Variants in FABP7 observed in about 807,000 individuals in gnomAD.
The protein encoded by FABP7 is fatty acid binding protein 7, also known as fatty acid-binding protein, brain.
Under a neutral mutation model 14.2 loss-of-function variants are expected in FABP7, and 13 were observed. The ratio of observed to expected loss-of-function variants is 0.91; its 90% CI spans 0.59 to 1.45. The LOEUF is 1.45. Ranked by LOEUF, FABP7 falls within the 40% of genes most tolerant of loss-of-function variation. FABP7 has a pLI of 0.00. For missense variants in FABP7, 149 were observed against 157.6 expected (o/e 0.95, Z 0.29); for synonymous variants, 49 against 51.4 (o/e 0.95, Z 0.20).
chr6:122,774,170 T>C, the FABP7 span, among the ~76,000 whole-genome samples: 1 of 151,980 alleles, frequency 6.6e-6, no homozygotes, highest in Non-Finnish European at 1.5e-5. Context: ...GAGACCAGCC[T>C]AGCCAATATG....
chr6:122,770,454 G>A, the FABP7 span, among the ~76,000 whole-genome samples: 1 of 152,106 alleles, frequency 6.6e-6, no homozygotes, highest in African/African-American at 2.4e-5. Context: ...CAAGGAATTA[G>A]TAGTAGCATC....
chr6:122,770,892 G>A, the FABP7 span, among the ~76,000 whole-genome samples: 654 of 152,284 alleles, frequency 4.3e-3, 7 homozygotes, highest in South Asian at 8.3e-3. Context: ...AAGCAGCAGA[G>A]GGTAAAACAG....
intron 3 of FABP7, chr6:122,782,547 ATAT>A (rs1473684980): frequency 2.0e-6 from 2 of 984,878 alleles, no homozygotes; most frequent in Non-Finnish European, 2.4e-6. Context: ...ACTAGGAGAA[ATAT>A]TATGCCTTCA....
chr6:122,771,795 G>A, the FABP7 span, among the ~76,000 whole-genome samples: 29 of 152,254 alleles, frequency 1.9e-4, no homozygotes, highest in East Asian at 5.0e-3. Context: ...AGAGAAGAAA[G>A]GTTTGGCTGA....
At chr6:122,777,385 C>A (rs551969949), upstream of FABP7, among the ~76,000 whole-genome samples, 116 of 152,106 alleles carry the variant, frequency 7.6e-4, no homozygotes, top group African/African-American at 2.7e-3. Context: ...CCCTTTTGGC[C>A]AAGGGATGCC....
intron 2 of FABP7, 56 bp downstream of exon 2, chr6:122,780,519 G>T (rs1780758636): frequency 1.3e-6 from 2 of 1,516,096 alleles, no homozygotes; most frequent in Non-Finnish European, 1.8e-6. Flanking sequence ...TAAAGATAAA[G>T]ATTTCCAATG....
At chr6:122,763,636 C>A in the FABP7 span, among the ~76,000 whole-genome samples, 1 of 152,094 alleles carries the variant, frequency 6.6e-6, no homozygotes, top group Non-Finnish European at 1.5e-5. Context: ...TTGCAATCTA[C>A]CCATCTGACA....
At chr6:122,783,642 A>G (rs1780848593) in intron 3 of FABP7, 75 bp from the exon 4 acceptor site, 1 of 1,543,192 alleles carries the variant, frequency 6.5e-7, no homozygotes, top group Admixed American at 2.3e-5. Flanking sequence ...CTTAGATCAC[A>G]TATATGATGA....
At chr6:122,768,613 T>C in the FABP7 span, among the ~76,000 whole-genome samples, 47 of 152,248 alleles carry the variant, frequency 3.1e-4, no homozygotes, top group East Asian at 4.4e-3. Flanking sequence ...AGGATTCACA[T>C]GTGGGTGTTT....
At chr6:122,772,034 C>T in the FABP7 span, among the ~76,000 whole-genome samples, 1 of 152,128 alleles carries the variant, frequency 6.6e-6, no homozygotes, top group Admixed American at 6.6e-5. Context: ...TGACTGATTA[C>T]AAAAGTAATT....
At chr6:122,776,935 A>T (rs1190100718), upstream of FABP7, among the ~76,000 whole-genome samples, 1 of 152,216 alleles carries the variant, frequency 6.6e-6, no homozygotes, top group Non-Finnish European at 1.5e-5. Flanking sequence ...ACCTGCCTCT[A>T]AATTGTGGGG....
chr6:122,779,988 T>C (rs1381443632), intron 1 of FABP7, 121 bp downstream of exon 1: 2 of 936,340 alleles, frequency 2.1e-6, no homozygotes, highest in Admixed American at 4.5e-5. Context: ...CCTGATCAGA[T>C]GCTAGGCTAT....
the FABP7 span, among the ~76,000 whole-genome samples, chr6:122,749,542 T>C: frequency 6.6e-6 from 1 of 152,190 alleles, no homozygotes; most frequent in Non-Finnish European, 1.5e-5. Flanking sequence ...ATAACGTGAC[T>C]TATAACCCTA....
At chr6:122,754,655 A>C in the FABP7 span, among the ~76,000 whole-genome samples, 1 of 127,164 alleles carries the variant, frequency 7.9e-6, no homozygotes, top group Admixed American at 9.3e-5. Flanking sequence ...TGTCCAATTC[A>C]TTCAGATCAT....
At chr6:122,762,504 C>G in the FABP7 span, among the ~76,000 whole-genome samples, 15 of 152,300 alleles carry the variant, frequency 9.8e-5, 1 homozygote, top group East Asian at 2.7e-3. Context: ...CCTCTCTCAC[C>G]ACTCCTATTC....
intron 3 of FABP7, chr6:122,781,979 A>G: frequency 1.3e-6 from 1 of 790,552 alleles, no homozygotes; most frequent in Admixed American, 6.2e-5. Context: ...CTTGAGCTCA[A>G]AGTGATGCTC....
chr6:122,761,253 A>C, the FABP7 span, among the ~76,000 whole-genome samples: 1 of 152,132 alleles, frequency 6.6e-6, no homozygotes, highest in African/African-American at 2.4e-5. Flanking sequence ...GGTTTCTATG[A>C]GGTTAAATTT....
At chr6:122,778,188 T>TTTTA (rs1342383325), upstream of FABP7, among the ~76,000 whole-genome samples, 1 of 152,118 alleles carries the variant, frequency 6.6e-6, no homozygotes, top group Non-Finnish European at 1.5e-5. Flanking sequence ...CTGTAAAACA[T>TTTTA]TTTACAGAGT....
At chr6:122,769,508 C>T in the FABP7 span, among the ~76,000 whole-genome samples, 3 of 152,112 alleles carry the variant, frequency 2.0e-5, no homozygotes, top group African/African-American at 7.2e-5. Context: ...CAATGATTAG[C>T]ACTTTCTTGT....
Sources: allele counts gnomAD v4.1 joint callset (sites outside exome capture counted in the v4.1 genomes callset), GRCh38; gene constraint gnomAD v4.1.1; transcripts MANE v1.5; gene names NCBI Gene and HGNC (gene_info 2026-07-23, HGNC 2026-07-21).